The following ARHGEF10L variants were observed in gnomAD, a reference collection of about 807,000 sequenced individuals.
ARHGEF10L encodes the protein rho guanine nucleotide exchange factor 10-like protein.
ARHGEF10L carries 69 observed loss-of-function variants against 141.2 expected under a neutral mutation model. The ratio of observed to expected loss-of-function variants is 0.49; its 90% CI spans 0.40 to 0.60. The LOEUF (loss-of-function observed/expected upper bound fraction) is 0.60, where lower values mean the gene tolerates loss of function less well. Ranked by LOEUF, ARHGEF10L falls within the 20% of genes least tolerant of loss-of-function variation. The pLI is 0.00. For synonymous variants in ARHGEF10L, 711 were observed against 718.5 expected, an observed-to-expected ratio of 0.99 and a Z score of 0.17; for missense variants, 1,482 against 1,734.3, an observed-to-expected ratio of 0.85 and a Z score of 2.58.
chr1:17,652,853 C>T (rs1019694959), intron 22 of ARHGEF10L, among the ~76,000 whole-genome samples: 3 of 152,084 alleles, frequency 2.0e-5, no homozygotes, highest in African/African-American at 4.8e-5. Flanking sequence ...TAGCCCAGAC[C>T]CACAGGGGGT....
At position 17,640,350 on chromosome 1, in the gene ARHGEF10L, C is replaced by T. The variant is rs374307047; in HGVS notation, c.2272+48C>T. 62 of 1,530,968 alleles carry T rather than the reference C, an allele frequency of 4.0e-5. No individual in the cohort carries two copies. In the African/African-American group the frequency reaches 4.6e-4, roughly 11 times the overall value. 94.8% of individuals were successfully genotyped at this position (1,530,968 alleles called of 1,614,324 possible). A position where few individuals can be genotyped will look rare whatever the true frequency, so the allele number is the denominator to read the frequency against. On this transcript the variant is annotated intron_variant, in intron 21 of 28. Transcript: ENST00000361221. ...TGCCTCAGGGGGCAGGGGTGTGGAA[C>T]GGGGAGGTTTGGGGTGAGTGAGGGT... is the stretch of plus-strand genomic sequence containing the variant.
chr1:17,599,581 G>T (rs146718408), intron 4 of ARHGEF10L, among the ~76,000 whole-genome samples: 73 of 152,294 alleles, frequency 4.8e-4, no homozygotes, highest in African/African-American at 1.6e-3. Context: ...TGTTGAGGAG[G>T]TGGCGGCTCA....
intron 4 of ARHGEF10L, among the ~76,000 whole-genome samples, chr1:17,592,082 C>T (rs944895016): frequency 8.5e-5 from 13 of 152,130 alleles, no homozygotes; most frequent in Non-Finnish European, 1.5e-4. Context: ...TCATGTCCAC[C>T]CTGAGCTCTC....
At position 17,664,538 on chromosome 1, in the gene ARHGEF10L, G is replaced by A. The variant is rs779288442; in HGVS notation, c.2952G>A (p.Val984=). 1.9e-6 allele frequency: 3 copies of A among 1,608,350 alleles called. No individual in the cohort carries two copies. Among genetic ancestry groups the A allele is most frequent in the Middle Eastern group, 1.7e-4 (1 of 6,058 alleles). ...CCCTGTTGAGCCTGGAGGATGCCGTGTGGGCCAGCTGTGGGCCCCGGGTCA... is the reference window on the plus strand; with the variant it reads ...CCCTGTTGAGCCTGGAGGATGCCGTATGGGCCAGCTGTGGGCCCCGGGTCA... ...VRTLLSLEDA[V]WASCGPRVTV... is the part of the protein sequence containing the mutation. The change falls in exon 26 of 29, where the codon GTG becomes GTA. Residue 984 remains valine, a synonymous_variant. Coordinates refer to ENST00000361221, the MANE Select transcript of ARHGEF10L (RefSeq NM_018125.4).
At chr1:17,635,534 C>T (rs873271) in intron 18 of ARHGEF10L, among the ~76,000 whole-genome samples, 6,828 of 152,314 alleles carry the variant, frequency 0.045, 507 homozygotes, top group African/African-American at 0.16. Flanking sequence ...CCTCCCACCA[C>T]GCCCTCTCCA....
the ARHGEF10L span, among the ~76,000 whole-genome samples, chr1:17,526,490 G>T: frequency 1.3e-5 from 2 of 152,208 alleles, no homozygotes; most frequent in African/African-American, 4.8e-5. Flanking sequence ...TCTCACTGAG[G>T]TGTTGAGAGG....
At chr1:17,618,064 G>A (rs1431722368) in intron 9 of ARHGEF10L, among the ~76,000 whole-genome samples, 2 of 152,248 alleles carry the variant, frequency 1.3e-5, no homozygotes, top group Non-Finnish European at 2.9e-5. Context: ...CAGGCTGGGT[G>A]CTCAGTGAAT....
the ARHGEF10L span, among the ~76,000 whole-genome samples, chr1:17,532,070 C>T: frequency 2.5e-4 from 38 of 152,198 alleles, no homozygotes; most frequent in Non-Finnish European, 4.4e-4. Flanking sequence ...CCCTGCCCTC[C>T]TGAGAACCTC....
chr1:17,570,372 G>C (rs912808434), intron 1 of ARHGEF10L, among the ~76,000 whole-genome samples: 1 of 152,244 alleles, frequency 6.6e-6, no homozygotes, highest in African/African-American at 2.4e-5. Context: ...GCAGAGCCCT[G>C]AAGGTGAGGG....
intron 21 of ARHGEF10L, among the ~76,000 whole-genome samples, chr1:17,646,082 G>C (rs138799173): frequency 6.6e-6 from 1 of 152,222 alleles, no homozygotes; most frequent in African/African-American, 2.4e-5. Context: ...TCGGGAATGA[G>C]TTCACTGCTC....
Position 17,664,656 on chromosome 1 carries a change from C to T in ARHGEF10L, c.3009+61C>T, listed in dbSNP as rs1309296342. The T allele has an allele frequency of 2.8e-6, 4 of 1,441,632 alleles. No individual in the cohort carries two copies. The African/African-American group carries it at 4.3e-5, about 16-fold the overall frequency. The allele number at this position is 1,441,632 out of a possible 1,614,324, so 89.3% of individuals were successfully genotyped here. Reference sequence around the variant, plus strand: ...CCTGCCTTCCTTTTGCTGACCCTTTCTTATGTCCACCCCGGCACCGCTTTC... The same window carrying T: ...CCTGCCTTCCTTTTGCTGACCCTTTTTTATGTCCACCCCGGCACCGCTTTC... On this transcript the variant is annotated intron_variant, in intron 26 of 28. Transcript: ENST00000361221.
chr1:17,572,362 C>G (rs1471515066), intron 1 of ARHGEF10L, among the ~76,000 whole-genome samples: 2 of 152,196 alleles, frequency 1.3e-5, no homozygotes, highest in East Asian at 3.9e-4. Context: ...TAGCTCCCAC[C>G]TGTGACCGAT....
chr1:17,627,275 G>A lies in ARHGEF10L; in HGVS notation c.1411-55G>A, dbSNP rs942341777. 7 of 1,585,922 alleles carry A rather than the reference G, an allele frequency of 4.4e-6. No homozygotes were observed. The African/African-American group carries it at 9.4e-5, about 21-fold the overall frequency. On this transcript the variant is annotated intron_variant, in intron 14 of 28. Transcript: ENST00000361221. This position sits in a 1 kb window ranked among gnomAD's most constrained non-coding sequence, Gnocchi z 4.0. The stretch of plus-strand genomic sequence containing the variant: ...TGCGCAGGGTGAGGCTTTGCCCCAG[G>A]CTGGGGTAGAGTTGGTCATGGGTGG...
At chr1:17,637,768 T>A in intron 18 of ARHGEF10L, 120 bp from the exon 19 acceptor site, 2 of 805,182 alleles carry the variant, frequency 2.5e-6, no homozygotes, top group Non-Finnish European at 3.8e-6. Context: ...CCTCCCAAAG[T>A]GCTGGGATTA....
rs767583894 is a variant in ARHGEF10L, at chr1:17,602,205, G to A, written c.336G>A (p.Lys112=). 3 of 1,573,702 alleles carry A rather than the reference G, an allele frequency of 1.9e-6. No individual in the cohort carries two copies. Among genetic ancestry groups the A allele is most frequent in the African/African-American group, 1.4e-5 (1 of 74,016 alleles). Residue 112 remains lysine, a synonymous_variant, in exon 5 of 29, where the codon AAG becomes AAA. Transcript: ENST00000361221. The part of the protein sequence containing the change: ...SGARHSSWKR[K]SSRRIDRFTF... ...CCCGGCACTCCAGCTGGAAGCGGAA[G>A]AGTTCCCGTCGCAGTAAGTCTCCCC...
At chr1:17,684,836 C>T (rs148506300) in intron 26 of ARHGEF10L, among the ~76,000 whole-genome samples, 1 of 152,174 alleles carries the variant, frequency 6.6e-6, no homozygotes, top group East Asian at 1.9e-4. Flanking sequence ...CTTCTCCCCT[C>T]CCCTCCCCTC....
At chr1:17,612,669 G>T (rs1041197396) in intron 7 of ARHGEF10L, among the ~76,000 whole-genome samples, 9 of 152,168 alleles carry the variant, frequency 5.9e-5, no homozygotes, top group Non-Finnish European at 1.2e-4. Context: ...TTACAGAGAA[G>T]CTCCTATGTT....
intron 4 of ARHGEF10L, among the ~76,000 whole-genome samples, chr1:17,595,268 C>T (rs1297986814): frequency 7.5e-6 from 1 of 132,936 alleles, no homozygotes; most frequent in Admixed American, 8.5e-5. Flanking sequence ...ATATCATGAG[C>T]ATTTCCCCAG....
chr1:17,660,131 C>T (rs557118915), intron 25 of ARHGEF10L, among the ~76,000 whole-genome samples: 5 of 152,332 alleles, frequency 3.3e-5, no homozygotes, highest in East Asian at 1.9e-4. Flanking sequence ...CTGAGACAGC[C>T]GGCCACTGTC....
Sources: gnomAD v4.1 joint callset for allele counts (sites outside exome capture counted in the v4.1 genomes callset) on GRCh38, gnomAD v4.1.1 for gene constraint, Gnocchi (gnomAD v3.1) non-coding constraint, MANE v1.5 for transcripts, NCBI Gene and HGNC (gene_info 2026-07-23, HGNC 2026-07-21) for gene names.